Variants in FMNL2 observed in about 807,000 individuals in gnomAD.
FMNL2 encodes formin-like protein 2.
Under a neutral mutation model 130.2 loss-of-function variants are expected in FMNL2, and 51 were observed. The observed-to-expected ratio is 0.39, with a 90% CI of 0.31 to 0.49. The LOEUF (loss-of-function observed/expected upper bound fraction) is 0.49. FMNL2 is among the 20% of genes least tolerant of loss of function. The pLI, the probability that FMNL2 is intolerant of heterozygous loss-of-function variation, is 0.85. For missense variants in FMNL2, 977 were observed against 1,316.2 expected, an observed-to-expected ratio of 0.74 and a Z score of 3.99; for synonymous variants, 465 against 467.1, an observed-to-expected ratio of 1.00 and a Z score of 0.06.
chr2:152,564,783 T>TTTTTTTTTG (rs1695733433), intron 6 of FMNL2, among the ~76,000 whole-genome samples: 1 of 146,866 alleles, frequency 6.8e-6, no homozygotes, highest in African/African-American at 2.6e-5. Flanking sequence ...TTGGTTTTTT[T>TTTTTTTTTG]TTTTTTTTTT....
intron 5 of FMNL2, 90 bp from the exon 6 acceptor site, chr2:152,560,793 T>A (rs1695477858): frequency 8.2e-7 from 1 of 1,221,608 alleles, no homozygotes; most frequent in Non-Finnish European, 1.1e-6. Context: ...AAGGTGCAGA[T>A]GTCTTGTAGG....
chr2:152,640,556 G>C (rs1451169901), intron 24 of FMNL2, among the ~76,000 whole-genome samples: 1 of 152,232 alleles, frequency 6.6e-6, no homozygotes, highest in East Asian at 1.9e-4. Context: ...GCCTCTTGTT[G>C]CCGTAGACTC....
chr2:152,392,462 G>A lies in FMNL2; in HGVS notation c.117+56742G>A, dbSNP rs187455409. 7.2e-5 allele frequency among the ~76,000 whole-genome samples: 11 copies of A among 152,258 alleles called. No individual in the cohort carries two copies. The East Asian group carries it at 2.1e-3, about 29-fold the overall frequency. ...ATACTTGAGACTGGGTAATTTATAAGGAATAGAATTTTATTTCTCACCGTT... is the reference window on the plus strand; with the variant it reads ...ATACTTGAGACTGGGTAATTTATAAAGAATAGAATTTTATTTCTCACCGTT... On this transcript the variant is annotated intron_variant, in intron 1 of 25. Coordinates refer to ENST00000288670, the MANE Select transcript of FMNL2 (RefSeq NM_052905.4).
At chr2:152,500,380 C>T (rs1292877611) in intron 1 of FMNL2, among the ~76,000 whole-genome samples, 1 of 152,180 alleles carries the variant, frequency 6.6e-6, no homozygotes, top group Non-Finnish European at 1.5e-5. Flanking sequence ...TCTATCTCCT[C>T]CTCCTCTCTG....
At chr2:152,430,057 A>C (rs922216135) in intron 1 of FMNL2, among the ~76,000 whole-genome samples, 1 of 152,210 alleles carries the variant, frequency 6.6e-6, no homozygotes, top group Non-Finnish European at 1.5e-5. Context: ...TTAAAAACAA[A>C]AAACAAACCA....
intron 1 of FMNL2, among the ~76,000 whole-genome samples, chr2:152,516,862 A>G (rs1177781931): frequency 6.6e-6 from 1 of 152,212 alleles, no homozygotes; most frequent in Admixed American, 6.5e-5. Context: ...CTTCTTCACC[A>G]TAATTACTTT....
rs138668321 is a variant in FMNL2, at chr2:152,519,101, C to A, written c.118-2842C>A. 3.2e-3 allele frequency among the ~76,000 whole-genome samples: 489 copies of A among 152,300 alleles called. 4 individuals carry two copies. Among genetic ancestry groups the A allele is most frequent in the African/African-American group, 0.011 (465 of 41,554 alleles). ...TCCTGCCTTTGAGGCTTCCCTTGTT[C>A]ACTGTGCCCAGTGTGCTTTCGTCCG... is the stretch of plus-strand genomic sequence containing the variant. On this transcript the variant is annotated intron_variant, in intron 1 of 25. Coordinates refer to ENST00000288670, the MANE Select transcript of FMNL2 (RefSeq NM_052905.4).
chr2:152,448,205 A>G (rs763040792), intron 1 of FMNL2, among the ~76,000 whole-genome samples: 4 of 137,644 alleles, frequency 2.9e-5, no homozygotes, highest in Admixed American at 7.3e-5. Flanking sequence ...CTGATTTCTT[A>G]AAAAAAAAAA....
chr2:152,446,290 T>A (rs1194104976), intron 1 of FMNL2, among the ~76,000 whole-genome samples: 3 of 152,228 alleles, frequency 2.0e-5, no homozygotes, highest in Admixed American at 6.5e-5. Flanking sequence ...ATATTTTTTT[T>A]AGAATAACAG....
At position 152,582,761 on chromosome 2, in the gene FMNL2, G is replaced by A. The variant is rs900199896; in HGVS notation, c.876+1712G>A. ...AAACAGTATGTGCAGCTCATATAAC[G>A]CCCAAATCTTTATCATTAGGTCATA... On this transcript the variant is annotated intron_variant, in intron 9 of 25. Coordinates refer to ENST00000288670, the MANE Select transcript of FMNL2 (RefSeq NM_052905.4). Among the ~76,000 whole-genome samples, 8 of 152,238 alleles carry A rather than the reference G, an allele frequency of 5.3e-5. No individual in the cohort carries two copies. In the East Asian group the frequency reaches 5.8e-4, roughly 11 times the overall value.
chr2:152,452,932 G>A (rs1244841987), intron 1 of FMNL2, among the ~76,000 whole-genome samples: 13 of 152,246 alleles, frequency 8.5e-5, no homozygotes, highest in South Asian at 4.1e-4. Flanking sequence ...GGCCGGGCGC[G>A]GTGGCTTATG....
At chr2:152,548,662 C>A (rs1694777465) in intron 3 of FMNL2, among the ~76,000 whole-genome samples, 1 of 152,136 alleles carries the variant, frequency 6.6e-6, no homozygotes, top group South Asian at 2.1e-4. Flanking sequence ...ACATCATAGC[C>A]ACGGGTATGA....
Position 152,619,558 on chromosome 2 carries a change from T to TCCCCCCCCCCCCCCCCC in FMNL2, c.1679_1680insCCCCCCCCCCCCCCCCC (p.Pro566LeufsTer28). The TCCCCCCCCCCCCCCCCC allele has an allele frequency of 2.1e-6, 1 of 481,620 alleles. No homozygotes were observed. The highest frequency in any genetic ancestry group is 2.5e-5 in the South Asian group (1 of 39,726). The allele number at this position is 481,620 out of a possible 1,614,324, so 29.8% of individuals were successfully genotyped here. On this transcript the variant is annotated frameshift_variant, in exon 15 of 26. Coordinates refer to ENST00000288670, the MANE Select transcript of FMNL2 (RefSeq NM_052905.4). LOFTEE classifies it high-confidence loss of function. ...CTATGCCACCGCCGCCGCCGCCCCCTCCTCCACCTCCTCCTCCCCCACCGC... is the reference window on the plus strand; with the variant it reads ...CTATGCCACCGCCGCCGCCGCCCCCTCCCCCCCCCCCCCCCCCCCTCCACCTCCTCCTCCCCCACCGC...
intron 2 of FMNL2, among the ~76,000 whole-genome samples, chr2:152,525,025 A>G (rs1473821979): frequency 6.6e-6 from 1 of 152,112 alleles, no homozygotes; most frequent in Non-Finnish European, 1.5e-5. Context: ...CTGTTTCCCA[A>G]GCCCCTTATT....
At chr2:152,532,924 A>G (rs1395738078) in intron 2 of FMNL2, among the ~76,000 whole-genome samples, 1 of 152,112 alleles carries the variant, frequency 6.6e-6, no homozygotes, top group Non-Finnish European at 1.5e-5. Context: ...GCCTATTTTT[A>G]AAAAGTGGGT....
At chr2:152,619,193 T>A (rs1178444147) in intron 14 of FMNL2, 35 bp downstream of exon 14, 26 of 1,518,260 alleles carry the variant, frequency 1.7e-5, no homozygotes, top group Non-Finnish European at 2.3e-5. Flanking sequence ...GAGGAAGTTT[T>A]GGAATATTTG....
At chr2:152,538,560 G>A (rs1291552529) in intron 2 of FMNL2, among the ~76,000 whole-genome samples, 5 of 152,156 alleles carry the variant, frequency 3.3e-5, no homozygotes, top group African/African-American at 7.2e-5. Flanking sequence ...GATTACAGGC[G>A]TGAGCCACTG....
chr2:152,482,099 T>G (rs1690559090), intron 1 of FMNL2, among the ~76,000 whole-genome samples: 1 of 152,174 alleles, frequency 6.6e-6, no homozygotes, highest in Non-Finnish European at 1.5e-5. Flanking sequence ...AGTCTTACCT[T>G]TCTCTGCCAG....
chr2:152,357,037 GTTTAATATATCACGATAAATATTACA>G lies in FMNL2; in HGVS notation c.117+21319_117+21344del, dbSNP rs1398513772. Among the ~76,000 whole-genome samples, 648 of 140,556 alleles carry G rather than the reference GTTTAATATATCACGATAAATATTACA, an allele frequency of 4.6e-3. 209 individuals carry two copies. Among genetic ancestry groups the G allele is most frequent in the Non-Finnish European group, 7.3e-3 (473 of 64,848 alleles). 92.2% of individuals were successfully genotyped at this position (140,556 alleles called of 152,430 possible). A position where few individuals can be genotyped will look rare whatever the true frequency, so the allele number is the denominator to read the frequency against. On this transcript the variant is annotated intron_variant, in intron 1 of 25. Transcript: ENST00000288670. ...ATATATAATGATAAATATTACATAA[GTTTAATATATCACGATAAATATTACA>G]TAAGTTTAATATATCACGATAAATA...
Sources: allele counts gnomAD v4.1 joint callset (sites outside exome capture counted in the v4.1 genomes callset), GRCh38; gene constraint gnomAD v4.1.1; transcripts MANE v1.5; gene names NCBI Gene and HGNC (gene_info 2026-07-23, HGNC 2026-07-21).